LNX1: variants seen among roughly 807,000 people sequenced by gnomAD.
LNX1 encodes ligand of numb-protein X 1.
Under a neutral mutation model 68.4 loss-of-function variants are expected in LNX1, and 54 were observed. The ratio of observed to expected loss-of-function variants is 0.79; its 90% CI spans 0.63 to 0.99. The LOEUF (loss-of-function observed/expected upper bound fraction) is 0.99, where lower values mean the gene tolerates loss of function less well. LNX1 is among the 50% of genes least tolerant of loss of function. The pLI, the probability that LNX1 is intolerant of heterozygous loss-of-function variation, is 0.00. For synonymous variants in LNX1, 336 were observed against 350.0 expected (o/e 0.96, Z 0.45); for missense variants, 906 against 926.4 (o/e 0.98, Z 0.29).
At chr4:53,464,093 G>T (rs1254620445) in intron 9 of LNX1, among the ~76,000 whole-genome samples, 2 of 152,114 alleles carry the variant, frequency 1.3e-5, no homozygotes, top group South Asian at 4.1e-4. Context: ...GTGGATGTAG[G>T]ATGTTTTGAG....
At chr4:53,629,225 G>A (rs1048671106) in intron 1 of LNX1, among the ~76,000 whole-genome samples, 2 of 152,036 alleles carry the variant, frequency 1.3e-5, no homozygotes, top group African/African-American at 4.8e-5. Context: ...ATTGATTAGG[G>A]GGCTACCGAA....
At chr4:53,482,891 C>T (rs1255135804) in intron 6 of LNX1, among the ~76,000 whole-genome samples, 2 of 152,052 alleles carry the variant, frequency 1.3e-5, no homozygotes, top group African/African-American at 4.8e-5. Flanking sequence ...AGTAATTTGC[C>T]TTGATTTCTT....
chr4:53,546,872 C>A (rs1459433985), intron 2 of LNX1, among the ~76,000 whole-genome samples: 8 of 152,166 alleles, frequency 5.3e-5, no homozygotes, highest in Non-Finnish European at 1.5e-5. Context: ...AAAGACCGAG[C>A]CACTTGTGGA....
chr4:53,565,261 G>C (rs1194267586), intron 2 of LNX1, among the ~76,000 whole-genome samples: 1 of 152,070 alleles, frequency 6.6e-6, no homozygotes, highest in African/African-American at 2.4e-5. Context: ...TGACAGCTTT[G>C]AAGAGAGCAG....
At chr4:53,635,838 A>C (rs1734451307) in intron 1 of LNX1, among the ~76,000 whole-genome samples, 1 of 152,236 alleles carries the variant, frequency 6.6e-6, no homozygotes, top group African/African-American at 2.4e-5. Flanking sequence ...TCTGTTTTAC[A>C]AATGAATACA....
intron 9 of LNX1, among the ~76,000 whole-genome samples, chr4:53,469,569 A>G (rs1467006539): frequency 1.3e-5 from 2 of 152,232 alleles, no homozygotes; most frequent in Admixed American, 6.5e-5. Flanking sequence ...TTTTGAAAAG[A>G]TCAACAAAAT....
intron 1 of LNX1, among the ~76,000 whole-genome samples, chr4:53,587,252 G>A (rs985895219): frequency 3.3e-5 from 5 of 152,162 alleles, no homozygotes; most frequent in African/African-American, 4.8e-5. Flanking sequence ...GAAAGTTTAC[G>A]GGAGACAACA....
chr4:53,599,759 A>G (rs1732912075), intron 2 of LNX1, among the ~76,000 whole-genome samples: 1 of 152,180 alleles, frequency 6.6e-6, no homozygotes, highest in Admixed American at 6.5e-5. Flanking sequence ...CCAAGACTGA[A>G]GCACACTTTC....
Position 53,600,392 on chromosome 4 carries a change from C to T in LNX1, c.-214-8877G>A, listed in dbSNP as rs1394996511. ...TGCTGGCCTACTCAGGTACGAGAAGCACAGGAGAAGCCAACTTTCTAGGTG... is the reference window on the plus strand; with the variant it reads ...TGCTGGCCTACTCAGGTACGAGAAGTACAGGAGAAGCCAACTTTCTAGGTG... On this transcript the variant is annotated intron_variant, in intron 2 of 3. Coordinates refer to the LNX1 transcript ENST00000504299. Among the ~76,000 whole-genome samples the T allele has an allele frequency of 3.3e-5, 5 of 152,158 alleles. No individual in the cohort carries two copies. In the East Asian group the frequency reaches 7.7e-4, roughly 23 times the overall value.
At chr4:53,568,504 A>T (rs1730875470) in intron 2 of LNX1, among the ~76,000 whole-genome samples, 1 of 152,040 alleles carries the variant, frequency 6.6e-6, no homozygotes, top group Non-Finnish European at 1.5e-5. Context: ...TTTCAAAATA[A>T]TAAGAGCTAT....
chr4:53,636,548 T>G (rs1340092476), intron 1 of LNX1, among the ~76,000 whole-genome samples: 1 of 152,084 alleles, frequency 6.6e-6, no homozygotes, highest in Non-Finnish European at 1.5e-5. Context: ...AACCATAAAA[T>G]GGAGATGATA....
intron 2 of LNX1, among the ~76,000 whole-genome samples, chr4:53,610,804 A>T (rs1046076113): frequency 4.6e-5 from 7 of 151,922 alleles, no homozygotes; most frequent in Non-Finnish European, 8.8e-5. Context: ...GCAAAAGCTT[A>T]AATTACTGAA....
chr4:53,473,589 G>A (rs1389313738), intron 9 of LNX1, among the ~76,000 whole-genome samples: 1 of 152,052 alleles, frequency 6.6e-6, no homozygotes, highest in Non-Finnish European at 1.5e-5. Flanking sequence ...CTTATAAGTG[G>A]GAACTAAAAT....
chr4:53,652,283 G>A (rs1488876536), exon 1 of LNX1: 1 of 152,206 alleles, frequency 6.6e-6, no homozygotes, highest in Non-Finnish European at 1.5e-5. Flanking sequence ...TCTCTTTCCA[G>A]TGTTCTTCGT....
chr4:53,549,859 G>A (rs1014952466), intron 2 of LNX1, among the ~76,000 whole-genome samples: 5 of 152,116 alleles, frequency 3.3e-5, no homozygotes, highest in African/African-American at 7.2e-5. Flanking sequence ...AGATTCTTAC[G>A]GACATCCCAG....
chr4:53,547,783 A>G (rs1161860592), intron 2 of LNX1, among the ~76,000 whole-genome samples: 2 of 152,156 alleles, frequency 1.3e-5, no homozygotes, highest in Non-Finnish European at 2.9e-5. Flanking sequence ...ATATGAGAGA[A>G]TAAGAAGAAG....
chr4:53,616,441 C>G (rs953512174), intron 2 of LNX1: 31 of 152,244 alleles, frequency 2.0e-4, no homozygotes, highest in African/African-American at 7.0e-4. Flanking sequence ...TCATGTGACA[C>G]CTGCTGCTGC....
chr4:53,499,676 C>T (rs1469231413), intron 4 of LNX1, among the ~76,000 whole-genome samples: 1 of 152,198 alleles, frequency 6.6e-6, no homozygotes, highest in Admixed American at 6.5e-5. Context: ...TGCCACTTTG[C>T]CCTCTCAGAT....
chr4:53,563,608 C>T (rs1415524074), intron 2 of LNX1, among the ~76,000 whole-genome samples: 1 of 151,206 alleles, frequency 6.6e-6, no homozygotes, highest in Non-Finnish European at 1.5e-5. Context: ...GATCTCAGCT[C>T]ACTGCAACCT....
Sources: allele counts gnomAD v4.1 joint callset (sites outside exome capture counted in the v4.1 genomes callset), GRCh38; gene constraint gnomAD v4.1.1; transcripts MANE v1.5; gene names NCBI Gene and HGNC (gene_info 2026-07-23, HGNC 2026-07-21).